The following CLCN2 variants were observed in gnomAD, a reference collection of about 807,000 sequenced individuals.
CLCN2 encodes chloride voltage-gated channel 2.
A neutral mutation model predicts 108.3 loss-of-function variants in CLCN2; 72 were observed. The ratio of observed to expected loss-of-function variants is 0.66; its 90% CI spans 0.55 to 0.81. CLCN2 has a LOEUF of 0.81. CLCN2 is among the 30% of genes least tolerant of loss of function. CLCN2 has a pLI of 0.00. For synonymous variants in CLCN2, 471 were observed against 467.1 expected (o/e 1.01, Z -0.11); for missense variants, 1,048 against 1,205.2 (o/e 0.87, Z 1.93).
chr3:184,357,969 C>A lies in CLCN2; in HGVS notation c.608G>T (p.Gly203Val), dbSNP rs776760372. The part of the protein sequence containing the change: ...TCALGSGMPL[G>V]KEGPFVHIAS... ...TCCCCAGCCTGCAGTTACCTCTTTG[C>A]CAAGCGGCATCCCGCTGCCTAGGGC... Residue 203 changes from glycine to valine, a missense_variant, in exon 5 of 24, where the codon GGC (glycine) becomes GTC (valine). Gly to Val is a moderately radical substitution (Grantham distance 109). Transcript: ENST00000265593. 3 of 1,614,010 alleles carry A rather than the reference C, an allele frequency of 1.9e-6. No individual in the cohort carries two copies. The highest frequency in any genetic ancestry group is 2.5e-6 in the Non-Finnish European group (3 of 1,180,044).
Position 184,355,888 on chromosome 3 carries a change from G to A in CLCN2, c.1086-110C>T. 1.2e-6 allele frequency: 1 copy of A among 853,456 alleles called. No individual in the cohort carries two copies. Among genetic ancestry groups the A allele is most frequent in the Non-Finnish European group, 2.0e-6 (1 of 509,994 alleles). 52.9% of individuals were successfully genotyped at this position (853,456 alleles called of 1,614,324 possible). ...CTTGGCTCTTTCATGAAAACACTCA[G>A]TCCTGACAGAAGGTCTCCTTTGCTG... is the stretch of plus-strand genomic sequence containing the variant. On this transcript the variant is annotated intron_variant, in intron 10 of 23. Transcript: ENST00000265593. The surrounding 1 kb of genome is among the most constrained non-coding windows in gnomAD (Gnocchi z 6.3).
chr3:184,352,378 T>A, intron 20 of CLCN2, 47 bp from the exon 21 acceptor site: 1 of 1,613,452 alleles, frequency 6.2e-7, no homozygotes, highest in Non-Finnish European at 8.5e-7. Context: ...CTGGAGTTTA[T>A]CCAGCCTAGA....
intron 15 of CLCN2, 42 bp from the exon 16 acceptor site, chr3:184,353,837 G>T: frequency 1.3e-6 from 2 of 1,594,214 alleles, no homozygotes; most frequent in Non-Finnish European, 1.7e-6. Flanking sequence ...TCAGCATGGG[G>T]AGAGGTGCCC....
rs1711542657 is a variant in CLCN2 at position 184,358,202 on chromosome 3, A to G, written c.461T>C (p.Ile154Thr). The change falls in exon 4 of 24, where the codon ATC becomes ACC. Residue 154 changes from isoleucine to threonine, a missense_variant. By Grantham distance (89) the Ile-to-Thr change is moderately conservative. Coordinates refer to ENST00000265593, the MANE Select transcript of CLCN2 (RefSeq NM_004366.6). ...LITFSAGFTQILAPQAVGSGI... is the reference protein window; with the variant it reads ...LITFSAGFTQTLAPQAVGSGI... ...CATACCGACAGCCTGAGGGGCCAGG[A>G]TCTGTGTGAATCCGGCTGAGAAAGT... 6.2e-7 allele frequency: 1 copy of G among 1,613,980 alleles called. No homozygotes were observed. The highest frequency in any genetic ancestry group is 1.7e-5 in the Admixed American group (1 of 59,992).
chr3:184,353,852 C>T, intron 15 of CLCN2, 57 bp from the exon 16 acceptor site: 2 of 1,581,764 alleles, frequency 1.3e-6, no homozygotes, highest in East Asian at 4.6e-5. Flanking sequence ...GTGCCCAGAG[C>T]ATTGCCATCC....
At position 184,346,731 on chromosome 3, in the gene CLCN2, G is replaced by A. The variant is rs771455325; in HGVS notation, c.2572C>T (p.Arg858Ter). 4.3e-6 allele frequency: 7 copies of A among 1,614,058 alleles called. No homozygotes were observed. Among genetic ancestry groups the A allele is most frequent in the African/African-American group, 1.3e-5 (1 of 74,936 alleles). ...VKVRPPLASF[R>*]DSATSSSDTE... ...TCACTGCTGCTGGTGGCACTGTCTC[G>A]GAAGCTGGCGAGGGGCGGCCGGACT... Residue 858 changes from arginine to a stop codon, truncating the protein, a stop_gained, in exon 24 of 24, where the codon CGA becomes TGA. Transcript: ENST00000265593. LOFTEE classifies it high-confidence loss of function. The surrounding 1 kb of genome is among the most constrained non-coding windows in gnomAD (Gnocchi z 6.0).
At chr3:184,349,740 A>G (rs527523103) in intron 22 of CLCN2, among the ~76,000 whole-genome samples, 78 of 152,342 alleles carry the variant, frequency 5.1e-4, no homozygotes, top group African/African-American at 1.8e-3. Flanking sequence ...CCCATTTTAC[A>G]GATCGGGAAA....
rs746959942 is a variant in CLCN2, at chr3:184,357,858, T to C, written c.616-2A>G. 1 of 1,613,358 alleles carries C rather than the reference T, an allele frequency of 6.2e-7. No individual in the cohort carries two copies. The highest frequency in any genetic ancestry group is 1.3e-5 in the African/African-American group (1 of 74,918). On this transcript the variant is annotated splice_acceptor_variant, in intron 5 of 23. Transcript: ENST00000265593. LOFTEE classifies it high-confidence loss of function. ...GCTTGCGATATGCACAAAAGGGCCC[T>C]GCGGGGTGGGGCAGGCGGTGAGTCG...
At chr3:184,351,329 G>T (rs181263800) in intron 22 of CLCN2, among the ~76,000 whole-genome samples, 4 of 152,204 alleles carry the variant, frequency 2.6e-5, no homozygotes, top group East Asian at 1.9e-4. Flanking sequence ...ACCAATGCAG[G>T]CTGCCCCCCT....
Position 184,352,769 on chromosome 3 carries a change from AG to A in CLCN2, c.2184del (p.Cys729ValfsTer21). ...ESAGIALRSL[F>X]CGSPPPEAAS... ...GCAGCCTCAGGGGGTGGACTGCCAC[AG>A]AAGAGGCTCCGGAGGGCGATGCCTG... On this transcript the variant is annotated frameshift_variant, in exon 19 of 24. Transcript: ENST00000265593. LOFTEE classifies it high-confidence loss of function. The A allele has an allele frequency of 6.2e-7, 1 of 1,613,268 alleles. No homozygotes were observed. Among genetic ancestry groups the A allele is most frequent in the Non-Finnish European group, 8.5e-7 (1 of 1,180,020 alleles).
chr3:184,349,792 C>T (rs991012456), intron 22 of CLCN2, among the ~76,000 whole-genome samples: 3 of 152,196 alleles, frequency 2.0e-5, no homozygotes, highest in African/African-American at 7.2e-5. Flanking sequence ...AGGTACACAG[C>T]AAGCCAGCAT....
intron 10 of CLCN2, chr3:184,356,656 AAG>A: frequency 7.9e-6 from 2 of 253,658 alleles, no homozygotes; most frequent in African/African-American, 2.3e-5. Context: ...AAAAAAAAAA[AAG>A]AGATCTCATC....
chr3:184,352,677 C>T (rs1728203752), intron 19 of CLCN2, 60 bp downstream of exon 19: 1 of 1,572,182 alleles, frequency 6.4e-7, no homozygotes, highest in Non-Finnish European at 8.7e-7. Context: ...GACGTGGTCT[C>T]AGCATTGGAG....
At position 184,346,341 on chromosome 3, in the gene CLCN2, G is replaced by C; in HGVS notation, c.*265C>G. 1 of 555,286 alleles carries C rather than the reference G, an allele frequency of 1.8e-6. No individual in the cohort carries two copies. Among genetic ancestry groups the C allele is most frequent in the Non-Finnish European group, 3.3e-6 (1 of 307,260 alleles). 34.4% of individuals were successfully genotyped at this position (555,286 alleles called of 1,614,324 possible). A position where few individuals can be genotyped will look rare whatever the true frequency, so the allele number is the denominator to read the frequency against. On this transcript the variant is annotated 3_prime_UTR_variant, in exon 24 of 24. Transcript: ENST00000265593. The surrounding 1 kb of genome is among the most constrained non-coding windows in gnomAD (Gnocchi z 6.0). ...TTAGTTCCACCCCTTTCCCCTCAAA[G>C]GGGGAGCAGGGGTCAAGTGACCCCA...
rs537635395 is a variant in CLCN2 at position 184,351,654 on chromosome 3, C to T, written c.2415+359G>A. ...TGCCTGTTTCTCACCCGTTTTTTTC[C>T]GCATGGGCGTATCAACCTTGCTGGG... is the stretch of plus-strand genomic sequence containing the variant. On this transcript the variant is annotated intron_variant, in intron 22 of 23. Coordinates refer to ENST00000265593, the MANE Select transcript of CLCN2 (RefSeq NM_004366.6). Among the ~76,000 whole-genome samples the T allele has an allele frequency of 6.6e-5, 10 of 152,010 alleles. No individual in the cohort carries two copies. The East Asian group carries it at 1.2e-3, about 18-fold the overall frequency.
rs760338127 is a variant in CLCN2, at chr3:184,346,842, G to C, written c.2503-42C>G. On this transcript the variant is annotated intron_variant, in intron 23 of 23. Transcript: ENST00000265593. The surrounding 1 kb of genome is among the most constrained non-coding windows in gnomAD (Gnocchi z 6.0). Reference sequence around the variant, plus strand: ...GACAGATGTCTGGACCCAGATGTCAGACTCCTCCCCGCCTTCCTCCCCAGG... The same window carrying C: ...GACAGATGTCTGGACCCAGATGTCACACTCCTCCCCGCCTTCCTCCCCAGG... 1 of 1,613,214 alleles carries C rather than the reference G, an allele frequency of 6.2e-7. No individual in the cohort carries two copies. The highest frequency in any genetic ancestry group is 2.2e-5 in the East Asian group (1 of 44,880).
intron 22 of CLCN2, among the ~76,000 whole-genome samples, chr3:184,351,447 TCTG>T (rs1372867895): frequency 6.6e-6 from 1 of 152,182 alleles, no homozygotes; most frequent in African/African-American, 2.4e-5. Flanking sequence ...GCTTTGCAGT[TCTG>T]CTGAGCCATC....
chr3:184,355,723 G>C lies in CLCN2; in HGVS notation c.1141C>G (p.Pro381Ala), dbSNP rs141605519. The change falls in exon 11 of 24, where the codon CCT becomes GCT. Residue 381 changes from proline (P) to alanine (A), a missense_variant. Transcript: ENST00000265593. The surrounding 1 kb of genome is among the most constrained non-coding windows in gnomAD (Gnocchi z 6.3). ...CCAGCCATGAACTGTCCAAAGCCAGGGGGGAAGGTCAGCGTGGAGATGAGC... is the reference window on the plus strand; with the variant it reads ...CCAGCCATGAACTGTCCAAAGCCAGCGGGGAAGGTCAGCGTGGAGATGAGC... ...TLLISTLTFP[P>A]GFGQFMAGQL... The C allele has an allele frequency of 1.0e-4, 164 of 1,614,216 alleles. No homozygotes were observed. The East Asian group carries it at 3.3e-3, about 32-fold the overall frequency.
Position 184,354,174 on chromosome 3 carries a change from G to A in CLCN2, c.1648C>T (p.Pro550Ser). Residue 550 changes from proline (P) to serine (S), a missense_variant, in exon 15 of 24, where the codon CCC (proline) becomes TCC (serine). Physicochemically the swap from Pro to Ser is moderately conservative, Grantham distance 74 (BLOSUM62 -1). Transcript: ENST00000265593. ...LANAVAQSLQ[P>S]SLYDSIIRIK... Reference sequence around the variant, plus strand: ...CGGATGATGCTGTCATAGAGGGAGGGCTGCAGACTCTGGGCGACAGCGTTG... The same window carrying A: ...CGGATGATGCTGTCATAGAGGGAGGACTGCAGACTCTGGGCGACAGCGTTG... 1 of 1,613,368 alleles carries A rather than the reference G, an allele frequency of 6.2e-7. No homozygotes were observed. The highest frequency in any genetic ancestry group is 8.5e-7 in the Non-Finnish European group (1 of 1,179,958).
Sources: gnomAD v4.1 joint callset for allele counts (sites outside exome capture counted in the v4.1 genomes callset) on GRCh38, gnomAD v4.1.1 for gene constraint, Gnocchi (gnomAD v3.1) non-coding constraint, MANE v1.5 for transcripts, NCBI Gene and HGNC (gene_info 2026-07-23, HGNC 2026-07-21) for gene names.